The following ZFYVE9 variants were observed in gnomAD, a reference collection of about 807,000 sequenced individuals.
ZFYVE9 encodes the protein zinc finger FYVE-type containing 9, also known as zinc finger FYVE domain-containing protein 9.
In ZFYVE9, 43 loss-of-function variants were observed where a neutral mutation model predicts 126.7. The observed-to-expected ratio is 0.34, with a 90% confidence interval of 0.27 to 0.44. The LOEUF (loss-of-function observed/expected upper bound fraction) is 0.44, where lower values mean the gene tolerates loss of function less well. Ranked by LOEUF, ZFYVE9 falls within the 20% of genes least tolerant of loss-of-function variation. ZFYVE9 has a pLI of 1.00. For synonymous variants in ZFYVE9, 521 were observed against 597.4 expected, an observed-to-expected ratio of 0.87 and a Z score of 1.87; for missense variants, 1,476 against 1,697.0, an observed-to-expected ratio of 0.87 and a Z score of 2.29.
Position 52,291,049 on chromosome 1 carries a change from T to C in ZFYVE9, c.3026-2404T>C, listed in dbSNP as rs1645914688. Among the ~76,000 whole-genome samples, 4 of 152,226 alleles carry C rather than the reference T, an allele frequency of 2.6e-5. No homozygotes were observed. The South Asian group carries it at 8.3e-4, about 31-fold the overall frequency. ...TTTATTTTTCAAAATGCCATACTGC[T>C]ACGTTGATATGACAATTGTTTTGTT... is the stretch of plus-strand genomic sequence containing the variant. On this transcript the variant is annotated intron_variant, in intron 10 of 18. Coordinates refer to ENST00000287727, the MANE Select transcript of ZFYVE9 (RefSeq NM_004799.4).
At chr1:52,233,387 G>A in intron 3 of ZFYVE9, 111 bp downstream of exon 3, 1 of 588,952 alleles carries the variant, frequency 1.7e-6, no homozygotes, top group Non-Finnish European at 2.6e-6. Flanking sequence ...CTTAATGATA[G>A]TAATATTATT....
At chr1:52,293,953 CTT>C (rs1445296189) in intron 11 of ZFYVE9, among the ~76,000 whole-genome samples, 2 of 152,062 alleles carry the variant, frequency 1.3e-5, no homozygotes, top group East Asian at 1.9e-4. Context: ...ACTTAAGTAA[CTT>C]TATTTTTTAT....
intron 12 of ZFYVE9, among the ~76,000 whole-genome samples, chr1:52,301,237 T>C (rs1041926340): frequency 1.3e-5 from 2 of 151,560 alleles, no homozygotes; most frequent in Non-Finnish European, 2.9e-5. Context: ...CTCATCTTTG[T>C]TCCTCTCTAC....
At chr1:52,152,698 A>T (rs1644368636) in intron 1 of ZFYVE9, among the ~76,000 whole-genome samples, 1 of 152,088 alleles carries the variant, frequency 6.6e-6, no homozygotes, top group East Asian at 1.9e-4. Flanking sequence ...TTCTCCTTTC[A>T]CTTTGTGATC....
chr1:52,180,843 C>T lies in ZFYVE9; in HGVS notation c.-142-35526C>T, dbSNP rs190480488. Among the ~76,000 whole-genome samples, 91 of 151,956 alleles carry T rather than the reference C, an allele frequency of 6.0e-4. 1 individual carries two copies. In the East Asian group the frequency reaches 0.013, roughly 22 times the overall value. Reference sequence around the variant, plus strand: ...ATACAAAAATAGCCGGGCGTGGTGGCGCATGCCTGTAATCCCAGTTACTCA... The same window carrying T: ...ATACAAAAATAGCCGGGCGTGGTGGTGCATGCCTGTAATCCCAGTTACTCA... On this transcript the variant is annotated intron_variant, in intron 1 of 18. Transcript: ENST00000287727.
chr1:52,344,661 GTCT>G, intron 17 of ZFYVE9, 104 bp from the exon 18 acceptor site: 2 of 1,227,664 alleles, frequency 1.6e-6, no homozygotes, highest in South Asian at 1.5e-5. Context: ...TTCCTGTCAT[GTCT>G]TCTTGCACAT....
intron 1 of ZFYVE9, among the ~76,000 whole-genome samples, chr1:52,208,779 C>T (rs1048422273): frequency 6.6e-5 from 10 of 152,152 alleles, no homozygotes; most frequent in Non-Finnish European, 1.0e-4. Context: ...GTGATCCACC[C>T]GCCTTGGCCT....
At chr1:52,273,069 C>T (rs550966581) in intron 7 of ZFYVE9, among the ~76,000 whole-genome samples, 15 of 152,122 alleles carry the variant, frequency 9.9e-5, no homozygotes, top group Non-Finnish European at 1.6e-4. Flanking sequence ...TGCAATGGTG[C>T]GATCTTAGCT....
intron 1 of ZFYVE9, chr1:52,180,421 G>T: frequency 1.4e-6 from 2 of 1,454,408 alleles, no homozygotes; most frequent in Non-Finnish European, 9.6e-7. Context: ...GAGTTGCAGT[G>T]AAAACTGTCT....
intron 7 of ZFYVE9, among the ~76,000 whole-genome samples, chr1:52,269,784 G>T: frequency 6.7e-6 from 1 of 150,300 alleles, no homozygotes; most frequent in Middle Eastern, 3.4e-3. Context: ...TTTTTTGTTT[G>T]TTTGTTTTGG....
At chr1:52,325,286 C>A (rs1324097430) in intron 13 of ZFYVE9, among the ~76,000 whole-genome samples, 3 of 152,032 alleles carry the variant, frequency 2.0e-5, no homozygotes, top group Non-Finnish European at 2.9e-5. Context: ...CGAGACTGCA[C>A]CACTGCACTC....
chr1:52,255,963 CTT>C (rs370784228), intron 4 of ZFYVE9, among the ~76,000 whole-genome samples: 2 of 54,038 alleles, frequency 3.7e-5, no homozygotes, highest in African/African-American at 2.0e-4. Flanking sequence ...CTTTTCTTTT[CTT>C]TTCTTTCTTT....
At chr1:52,160,573 A>G in intron 1 of ZFYVE9, 2 of 744,306 alleles carry the variant, frequency 2.7e-6, no homozygotes, top group Non-Finnish European at 5.0e-6. Context: ...TGACCTTCAC[A>G]TTACCAATAC....
intron 1 of ZFYVE9, chr1:52,180,113 A>C (rs1354480544): frequency 1.0e-5 from 10 of 967,964 alleles, no homozygotes; most frequent in Non-Finnish European, 1.7e-6. Flanking sequence ...AATTTGAAGA[A>C]GTTTTGGAGA....
At chr1:52,288,271 C>T (rs1413650371) in intron 10 of ZFYVE9, among the ~76,000 whole-genome samples, 9 of 152,110 alleles carry the variant, frequency 5.9e-5, no homozygotes, top group Non-Finnish European at 4.4e-5. Context: ...ATGTTTCGAA[C>T]CATAAGAAGT....
intron 1 of ZFYVE9, among the ~76,000 whole-genome samples, chr1:52,149,387 C>T (rs547333353): frequency 6.6e-6 from 1 of 152,182 alleles, no homozygotes; most frequent in African/African-American, 2.4e-5. Flanking sequence ...AGCCACCGCG[C>T]CTGGGCAATA....
At chr1:52,236,921 C>T (rs1470488760) in intron 3 of ZFYVE9, among the ~76,000 whole-genome samples, 1 of 152,096 alleles carries the variant, frequency 6.6e-6, no homozygotes, top group Non-Finnish European at 1.5e-5. Context: ...ACCTTTATCA[C>T]CTTCTCACTC....
chr1:52,221,363 A>G (rs1357058595), intron 2 of ZFYVE9, among the ~76,000 whole-genome samples: 1 of 152,186 alleles, frequency 6.6e-6, no homozygotes, highest in Non-Finnish European at 1.5e-5. Context: ...AGATCTAAGC[A>G]TTTATGCGTA....
At chr1:52,304,108 C>T (rs1250884680) in intron 13 of ZFYVE9, among the ~76,000 whole-genome samples, 183 bp downstream of exon 13, 1 of 151,954 alleles carries the variant, frequency 6.6e-6, no homozygotes, top group Non-Finnish European at 1.5e-5. Context: ...AATTTCTGAC[C>T]TAGTGGTTCA....
Sources: allele counts gnomAD v4.1 joint callset (sites outside exome capture counted in the v4.1 genomes callset), GRCh38; gene constraint gnomAD v4.1.1; transcripts MANE v1.5; gene names NCBI Gene and HGNC (gene_info 2026-07-23, HGNC 2026-07-21).